The following SPATA7 variants were observed in gnomAD, a reference collection of about 807,000 sequenced individuals.
SPATA7 encodes the protein spermatogenesis associated 7, also known as spermatogenesis-associated protein 7.
SPATA7 carries 43 observed loss-of-function variants against 51.8 expected under a neutral mutation model. That is an observed-to-expected ratio of 0.83 (90% CI 0.65 to 1.07). SPATA7 has a LOEUF of 1.07. Among genes scored for constraint, SPATA7 ranks in the 50% least tolerant of loss-of-function variants. The pLI is 0.00. For synonymous variants in SPATA7, 230 were observed against 252.8 expected (o/e 0.91, Z 0.86); for missense variants, 683 against 701.3 (o/e 0.97, Z 0.30).
At chr14:88,429,522 G>C in intron 8 of SPATA7, 59 bp downstream of exon 8, 1 of 1,095,730 alleles carries the variant, frequency 9.1e-7, no homozygotes, top group South Asian at 1.3e-5. Context: ...TTGTATAACA[G>C]ACATATAGTA....
At chr14:88,403,367 C>T (rs2076121317) in intron 4 of SPATA7, among the ~76,000 whole-genome samples, 1 of 152,188 alleles carries the variant, frequency 6.6e-6, no homozygotes, top group South Asian at 2.1e-4. Context: ...GATATCTGTT[C>T]TCCCATGTTT....
At chr14:88,395,767 G>A (rs2075862578) in intron 3 of SPATA7, among the ~76,000 whole-genome samples, 1 of 152,010 alleles carries the variant, frequency 6.6e-6, no homozygotes, top group African/African-American at 2.4e-5. Flanking sequence ...CCTTGGTTCT[G>A]TTGATCTATA....
intron 4 of SPATA7, among the ~76,000 whole-genome samples, chr14:88,413,535 A>C (rs1417162295): frequency 6.6e-6 from 1 of 152,068 alleles, no homozygotes; most frequent in Non-Finnish European, 1.5e-5. Flanking sequence ...GATGTGTTTT[A>C]TTTCTTTCTC....
At chr14:88,437,490 T>C in intron 10 of SPATA7, 53 bp from the exon 11 acceptor site, 3 of 1,292,606 alleles carry the variant, frequency 2.3e-6, no homozygotes, top group Non-Finnish European at 3.4e-6. Context: ...CTAGTTTATA[T>C]TTAGATGATT....
At chr14:88,403,888 A>C (rs1262222737) in intron 4 of SPATA7, among the ~76,000 whole-genome samples, 1 of 152,062 alleles carries the variant, frequency 6.6e-6, no homozygotes, top group Non-Finnish European at 1.5e-5. Flanking sequence ...AAGACAGTAC[A>C]TCTGTGTTCT....
intron 5 of SPATA7, among the ~76,000 whole-genome samples, chr14:88,423,628 T>C (rs896925234): frequency 6.6e-6 from 1 of 152,022 alleles, no homozygotes; most frequent in Non-Finnish European, 1.5e-5. Flanking sequence ...TTATAAAATA[T>C]AATTTGAAAC....
chr14:88,409,689 C>T (rs140544282), intron 4 of SPATA7, among the ~76,000 whole-genome samples: 5,375 of 152,092 alleles, frequency 0.035, 312 homozygotes, highest in African/African-American at 0.12. Context: ...GTTAGGGTGT[C>T]GATTTTAGAT....
At chr14:88,409,529 T>G (rs1036813802) in intron 4 of SPATA7, among the ~76,000 whole-genome samples, 1 of 151,930 alleles carries the variant, frequency 6.6e-6, no homozygotes, top group Non-Finnish European at 1.5e-5. Flanking sequence ...GTTCATCTTT[T>G]CAAAAAAACA....
At chr14:88,392,994 T>G (rs910377780) in intron 2 of SPATA7, among the ~76,000 whole-genome samples, 3 of 152,148 alleles carry the variant, frequency 2.0e-5, no homozygotes, top group African/African-American at 7.2e-5. Flanking sequence ...ATGTAGGGTT[T>G]TGGGATTTGG....
At chr14:88,411,932 T>C (rs2076352042) in intron 4 of SPATA7, among the ~76,000 whole-genome samples, 1 of 152,164 alleles carries the variant, frequency 6.6e-6, no homozygotes, top group Non-Finnish European at 1.5e-5. Context: ...CTTCAAACTT[T>C]CCTCAGTGGC....
At chr14:88,410,974 C>A (rs1267510312) in intron 4 of SPATA7, among the ~76,000 whole-genome samples, 1 of 152,108 alleles carries the variant, frequency 6.6e-6, no homozygotes, top group Non-Finnish European at 1.5e-5. Flanking sequence ...GAAGCTGTGC[C>A]CACAGCCACC....
chr14:88,422,904 A>G (rs2076686166), intron 5 of SPATA7, among the ~76,000 whole-genome samples: 1 of 152,160 alleles, frequency 6.6e-6, no homozygotes, highest in African/African-American at 2.4e-5. Flanking sequence ...GACACCTGTT[A>G]TGGTTATAAT....
Position 88,385,707 on chromosome 14 carries a change from A to G in SPATA7, c.-112A>G. The G allele has an allele frequency of 1.9e-6, 2 of 1,042,040 alleles. No individual in the cohort carries two copies. Among genetic ancestry groups the G allele is most frequent in the Non-Finnish European group, 2.9e-6 (2 of 684,484 alleles). The allele number at this position is 1,042,040 out of a possible 1,614,324, so 64.5% of individuals were successfully genotyped here. On this transcript the variant is annotated 5_prime_UTR_variant, in exon 1 of 12. Coordinates refer to ENST00000393545, the MANE Select transcript of SPATA7 (RefSeq NM_018418.5). ...CTGGCAACGGTTTCCCTGCTGCTGC[A>G]GCCCCCGTCGGCTCCTCTTTTCCAG...
chr14:88,459,716 T>A (rs2077305100), downstream of SPATA7, among the ~76,000 whole-genome samples: 1 of 152,214 alleles, frequency 6.6e-6, no homozygotes, highest in Non-Finnish European at 1.5e-5. Flanking sequence ...CCATTTACAT[T>A]TAAGGTTAAT....
At chr14:88,468,005 G>C (rs141630683) in intron 4 of SPATA7, 238 of 1,169,772 alleles carry the variant, frequency 2.0e-4, no homozygotes, top group Non-Finnish European at 2.8e-4. Flanking sequence ...CCGCCATTCA[G>C]ACTGCGCCAC....
intron 4 of SPATA7, chr14:88,415,965 G>C (rs555276941): frequency 6.6e-6 from 1 of 152,274 alleles, no homozygotes; most frequent in Non-Finnish European, 1.5e-5. Context: ...GCAAGATCTG[G>C]TTGTTTAAAA....
downstream of SPATA7, among the ~76,000 whole-genome samples, chr14:88,457,970 ATC>A (rs927362808): frequency 3.0e-4 from 45 of 152,146 alleles, no homozygotes; most frequent in Non-Finnish European, 5.6e-4. Context: ...CCTTTTCTGC[ATC>A]TATTGAGATA....
At chr14:88,442,343 C>T (rs986726741), downstream of SPATA7, among the ~76,000 whole-genome samples, 4 of 152,102 alleles carry the variant, frequency 2.6e-5, no homozygotes, top group African/African-American at 9.7e-5. Flanking sequence ...GCACCTGCCA[C>T]CATGCCCAGC....
chr14:88,424,613 T>G (rs1373731747), intron 5 of SPATA7, among the ~76,000 whole-genome samples: 1 of 152,220 alleles, frequency 6.6e-6, no homozygotes, highest in Admixed American at 6.5e-5. Flanking sequence ...ATTAATTAAT[T>G]GCCCTATAGG....
Sources: gnomAD v4.1 joint callset for allele counts (sites outside exome capture counted in the v4.1 genomes callset) on GRCh38, gnomAD v4.1.1 for gene constraint, MANE v1.5 for transcripts, NCBI Gene and HGNC (gene_info 2026-07-23, HGNC 2026-07-21) for gene names.